The following YTHDF2 variants were observed in gnomAD, a reference collection of about 807,000 sequenced individuals.
The protein encoded by YTHDF2 is YTH N6-methyladenosine RNA binding protein F2.
Under a neutral mutation model 50.4 loss-of-function variants are expected in YTHDF2, and 2 were observed. The observed-to-expected ratio is 0.04, with a 90% confidence interval of 0.02 to 0.12. The LOEUF (loss-of-function observed/expected upper bound fraction) is 0.12. YTHDF2 is among the 10% of genes least tolerant of loss of function. The pLI is 1.00. For missense variants in YTHDF2, 483 were observed against 722.6 expected (o/e 0.67, Z 3.80); for synonymous variants, 217 against 255.6 (o/e 0.85, Z 1.44).
chr1:28,738,527 T>C (rs6704457), intron 3 of YTHDF2, among the ~76,000 whole-genome samples, 189 bp downstream of exon 3: 134,733 of 152,256 alleles, frequency 0.88, 59,639 homozygotes, highest in Admixed American at 0.91. Context: ...TCGCTCCAAC[T>C]TCCGCCTCTC....
Position 28,769,138 on chromosome 1 carries a change from G to T in YTHDF2, c.*186G>T, listed in dbSNP as rs980010729. 12 of 424,648 alleles carry T rather than the reference G, an allele frequency of 2.8e-5. No individual in the cohort carries two copies. Among genetic ancestry groups the T allele is most frequent in the African/African-American group, 2.3e-4 (11 of 48,572 alleles). The allele number at this position is 424,648 out of a possible 1,614,324, so 26.3% of individuals were successfully genotyped here. The stretch of plus-strand genomic sequence containing the variant: ...CTTAACTGGAAAATGAAAAAAAAAA[G>T]AAAAAGAAAAAACTAAACAAAAAAT... On this transcript the variant is annotated 3_prime_UTR_variant, in exon 5 of 5. Coordinates refer to ENST00000373812, the MANE Select transcript of YTHDF2 (RefSeq NM_016258.3).
intron 4 of YTHDF2, among the ~76,000 whole-genome samples, chr1:28,752,814 G>A (rs1178202953): frequency 1.3e-5 from 2 of 151,896 alleles, no homozygotes; most frequent in Non-Finnish European, 2.9e-5. Flanking sequence ...AGGCTGAGGT[G>A]GGAGGATTGC....
chr1:28,767,750 C>T (rs193257337), intron 4 of YTHDF2, among the ~76,000 whole-genome samples: 31 of 150,770 alleles, frequency 2.1e-4, no homozygotes, highest in Middle Eastern at 3.4e-3. Context: ...CCTCGTGATC[C>T]GCCCGCCTCG....
intron 4 of YTHDF2, among the ~76,000 whole-genome samples, chr1:28,754,816 A>C (rs1478128038): frequency 6.6e-6 from 1 of 152,036 alleles, no homozygotes; most frequent in South Asian, 2.1e-4. Flanking sequence ...AACAAACAAA[A>C]AAATTAGCCA....
chr1:28,761,845 A>G (rs915301969), intron 4 of YTHDF2, among the ~76,000 whole-genome samples: 4 of 152,146 alleles, frequency 2.6e-5, no homozygotes, highest in Admixed American at 6.6e-5. Flanking sequence ...GCCAAAATAG[A>G]TATTTTTAAT....
intron 4 of YTHDF2, among the ~76,000 whole-genome samples, chr1:28,758,974 A>G (rs2088074560): frequency 6.6e-6 from 1 of 152,226 alleles, no homozygotes; most frequent in African/African-American, 2.4e-5. Flanking sequence ...ACTTAACTGA[A>G]TTAGAAATTT....
chr1:28,753,331 A>G lies in YTHDF2; in HGVS notation c.1716+9345A>G, dbSNP rs182632495. Among the ~76,000 whole-genome samples, 435 of 131,186 alleles carry G rather than the reference A, an allele frequency of 3.3e-3. 5 individuals carry two copies. Among genetic ancestry groups the G allele is most frequent in the African/African-American group, 0.012 (417 of 34,744 alleles). The allele number at this position is 131,186 out of a possible 152,430, so 86.1% of individuals were successfully genotyped here. On this transcript the variant is annotated intron_variant, in intron 4 of 4. Transcript: ENST00000373812. ...GAACCCAGGAGTTTGAGACCAGCCTAGGCAACATAATGAAATCCTGCCTCT... is the reference window on the plus strand; with the variant it reads ...GAACCCAGGAGTTTGAGACCAGCCTGGGCAACATAATGAAATCCTGCCTCT...
At chr1:28,749,292 C>T (rs894355670) in intron 4 of YTHDF2, among the ~76,000 whole-genome samples, 3 of 151,098 alleles carry the variant, frequency 2.0e-5, no homozygotes, top group Admixed American at 2.0e-4. Flanking sequence ...CCCGGGTTCA[C>T]GCCATTCTCC....
intron 4 of YTHDF2, among the ~76,000 whole-genome samples, chr1:28,746,926 T>TA (rs1177803410): frequency 6.8e-6 from 1 of 147,484 alleles, no homozygotes; most frequent in African/African-American, 2.5e-5. Context: ...TACTAAAAAA[T>TA]ACAAAATTAG....
At chr1:28,748,738 C>A (rs2087903687) in intron 4 of YTHDF2, among the ~76,000 whole-genome samples, 1 of 152,200 alleles carries the variant, frequency 6.6e-6, no homozygotes, top group African/African-American at 2.4e-5. Flanking sequence ...TTGTTGAATA[C>A]TGCAGATACT....
intron 4 of YTHDF2, among the ~76,000 whole-genome samples, chr1:28,764,686 C>T (rs1475269267): frequency 1.3e-5 from 2 of 150,892 alleles, no homozygotes; most frequent in Admixed American, 6.6e-5. Context: ...GGATTACAGG[C>T]GTGGGCCATC....
chr1:28,762,707 C>CT (rs1476838767), intron 4 of YTHDF2, among the ~76,000 whole-genome samples: 11 of 152,094 alleles, frequency 7.2e-5, no homozygotes, highest in Non-Finnish European at 1.6e-4. Context: ...TAGAGGGAAG[C>CT]TAAATAGGCA....
chr1:28,760,683 C>T (rs902507238), intron 4 of YTHDF2, among the ~76,000 whole-genome samples: 3 of 152,100 alleles, frequency 2.0e-5, no homozygotes, highest in Non-Finnish European at 2.9e-5. Flanking sequence ...CAGGTTCAAA[C>T]GATTCTCCTC....
chr1:28,743,086 C>G lies in YTHDF2; in HGVS notation c.816C>G (p.Asn272Lys). The G allele has an allele frequency of 6.2e-7, 1 of 1,614,186 alleles. No individual in the cohort carries two copies. The highest frequency in any genetic ancestry group is 8.5e-7 in the Non-Finnish European group (1 of 1,180,038). Residue 272 changes from asparagine to lysine, a missense_variant, in exon 4 of 5, where the codon AAC becomes AAG. This residue lies in a region of YTHDF2 where 385 missense variants were observed against 475.8 expected (regional missense o/e 0.81). Coordinates refer to ENST00000373812, the MANE Select transcript of YTHDF2 (RefSeq NM_016258.3). The surrounding 1 kb of genome is among the most constrained non-coding windows in gnomAD (Gnocchi z 6.9). The stretch of plus-strand genomic sequence containing the variant: ...TTCCGCCACCCCCGATAAAGCATAA[C>G]ATGGATATTGGAACTTGGGATAACA... ...SSLPPPPIKH[N>K]MDIGTWDNKG... is the part of the protein sequence containing the mutation.
Position 28,737,347 on chromosome 1 carries a change from C to G in YTHDF2, c.27+200C>G, listed in dbSNP as rs529020897. ...CCCGCTTCTCCTCGGGCCTCGGAGC[C>G]CACGGGCCGGGCCGCGCCGCGTTCC... On this transcript the variant is annotated intron_variant, in intron 1 of 4. Transcript: ENST00000373812. The G allele has an allele frequency of 4.0e-4, 282 of 711,190 alleles. No homozygotes were observed. In the African/African-American group the frequency reaches 5.1e-3, roughly 13 times the overall value. The allele number at this position is 711,190 out of a possible 1,614,324, so 44.1% of individuals were successfully genotyped here.
chr1:28,761,119 G>T (rs1270045050), intron 4 of YTHDF2, among the ~76,000 whole-genome samples: 1 of 114,328 alleles, frequency 8.7e-6, no homozygotes. Flanking sequence ...GTGTGTGTGT[G>T]TGTGTGTGTG....
At chr1:28,764,290 G>A (rs2088183772) in intron 4 of YTHDF2, among the ~76,000 whole-genome samples, 1 of 146,876 alleles carries the variant, frequency 6.8e-6, no homozygotes, top group African/African-American at 2.5e-5. Context: ...TTATTTTTTT[G>A]AGACGGAGTT....
chr1:28,737,084 G>A lies in YTHDF2; in HGVS notation c.-37G>A, dbSNP rs374407353. 4 of 1,582,428 alleles carry A rather than the reference G, an allele frequency of 2.5e-6. No homozygotes were observed. The highest frequency in any genetic ancestry group is 3.4e-6 in the Non-Finnish European group (4 of 1,166,182). On this transcript the variant is annotated 5_prime_UTR_variant, in exon 1 of 5. Coordinates refer to ENST00000373812, the MANE Select transcript of YTHDF2 (RefSeq NM_016258.3). ...TGCCGCCGCCGCCGCGCTGAGGAGAGTTCGCCGCCGTCGCCGCCCGTGAGG... is the reference window on the plus strand; with the variant it reads ...TGCCGCCGCCGCCGCGCTGAGGAGAATTCGCCGCCGTCGCCGCCCGTGAGG...
rs746239334 is a variant in YTHDF2 at position 28,743,301 on chromosome 1, A to G, written c.1031A>G (p.Gln344Arg). Residue 344 changes from glutamine (Q) to arginine (R), a missense_variant, in exon 4 of 5, where the codon CAG (glutamine) becomes CGG (arginine). Transcript: ENST00000373812. The surrounding 1 kb of genome is among the most constrained non-coding windows in gnomAD (Gnocchi z 6.9). ...CCTGCCCAGCTTTCAGTCCAGCAAC[A>G]GGCAGCTCAGCCAACCCGCTGGGTA... ...PQPAQLSVQQ[Q>R]AAQPTRWVAP... 1.2e-6 allele frequency: 2 copies of G among 1,614,178 alleles called. No individual in the cohort carries two copies. The highest frequency in any genetic ancestry group is 8.5e-7 in the Non-Finnish European group (1 of 1,180,032).
Sources: allele counts gnomAD v4.1 joint callset (sites outside exome capture counted in the v4.1 genomes callset), GRCh38; gene constraint gnomAD v4.1.1; regional missense constraint gnomAD v4.1.1; non-coding constraint Gnocchi (gnomAD v3.1); transcripts MANE v1.5; gene names NCBI Gene and HGNC (gene_info 2026-07-23, HGNC 2026-07-21).